Variants in BBS9 observed in about 807,000 individuals in gnomAD.
BBS9 encodes the protein Bardet-Biedl syndrome 9, also known as protein PTHB1.
Under a neutral mutation model 117.7 loss-of-function variants are expected in BBS9, and 89 were observed. The ratio of observed to expected loss-of-function variants is 0.76; its 90% confidence interval spans 0.64 to 0.90. The LOEUF is 0.90. Ranked by LOEUF, BBS9 falls within the 40% of genes least tolerant of loss-of-function variation. The probability of loss-of-function intolerance (pLI) is 0.00; values close to 1 mark genes in which losing one functional copy is unlikely to be tolerated. For synonymous variants in BBS9, 379 were observed against 370.9 expected (o/e 1.02, Z -0.25); for missense variants, 982 against 1,042.2 (o/e 0.94, Z 0.80).
At chr7:33,483,490 A>G (rs1045892353) in intron 19 of BBS9, among the ~76,000 whole-genome samples, 1 of 152,192 alleles carries the variant, frequency 6.6e-6, no homozygotes. Context: ...TCAACCTCCA[A>G]TTAGTCTTTT....
intron 5 of BBS9, among the ~76,000 whole-genome samples, chr7:33,193,594 T>C (rs542244637): frequency 6.6e-6 from 1 of 152,098 alleles, no homozygotes; most frequent in Non-Finnish European, 1.5e-5. Context: ...AGGAGTTTGT[T>C]TTCCTTCCTG....
At position 33,150,358 on chromosome 7, in the gene BBS9, T is replaced by C. The variant is rs1297655418; in HGVS notation, c.113-2343T>C. Among the ~76,000 whole-genome samples the C allele has an allele frequency of 2.6e-5, 4 of 152,192 alleles. No homozygotes were observed. In the East Asian group the frequency reaches 5.8e-4, roughly 22 times the overall value. ...TAAAGCTATCTTACATGTGGTTTGG[T>C]GTTCCTCCTTGTTCAGCTGGCTATG... On this transcript the variant is annotated intron_variant, in intron 2 of 22. Coordinates refer to ENST00000242067, the MANE Select transcript of BBS9 (RefSeq NM_198428.3).
At chr7:33,273,467 C>G (rs916013717) in intron 8 of BBS9, among the ~76,000 whole-genome samples, 1 of 152,154 alleles carries the variant, frequency 6.6e-6, no homozygotes, top group Non-Finnish European at 1.5e-5. Context: ...ATTCAAGATG[C>G]TTTCAAGAGA....
chr7:33,417,863 A>C (rs1832261526), intron 19 of BBS9, among the ~76,000 whole-genome samples: 1 of 152,220 alleles, frequency 6.6e-6, no homozygotes, highest in African/African-American at 2.4e-5. Flanking sequence ...AGATAGAAAC[A>C]ACAAAGGTTT....
chr7:33,378,940 G>T (rs1224014040), intron 17 of BBS9, among the ~76,000 whole-genome samples: 1 of 152,176 alleles, frequency 6.6e-6, no homozygotes, highest in Non-Finnish European at 1.5e-5. Context: ...TTTTTCCCCA[G>T]TGATAAATTC....
intron 19 of BBS9, among the ~76,000 whole-genome samples, chr7:33,404,664 A>C (rs1468368369): frequency 3.3e-5 from 5 of 149,954 alleles, no homozygotes; most frequent in Admixed American, 3.3e-4. Flanking sequence ...TTGGTGTATA[A>C]GAATGCTTGT....
intron 21 of BBS9, 78 bp downstream of exon 21, chr7:33,534,254 G>A: frequency 6.9e-7 from 1 of 1,458,968 alleles, no homozygotes. Context: ...GTTGTATTTG[G>A]GGTTTAAATT....
chr7:33,161,577 A>C (rs1011913118), intron 4 of BBS9, among the ~76,000 whole-genome samples: 12 of 152,212 alleles, frequency 7.9e-5, no homozygotes, highest in African/African-American at 2.9e-4. Context: ...GCCATAAAAA[A>C]CATACGTATA....
At chr7:33,141,009 TAGA>T (rs1791366084) in intron 1 of BBS9, among the ~76,000 whole-genome samples, 1 of 152,188 alleles carries the variant, frequency 6.6e-6, no homozygotes, top group Non-Finnish European at 1.5e-5. Flanking sequence ...TAGACTCACT[TAGA>T]AGTTGCAAAA....
intron 19 of BBS9, among the ~76,000 whole-genome samples, chr7:33,406,893 G>GAATCTGACA (rs1317796203): frequency 6.6e-6 from 1 of 152,136 alleles, no homozygotes; most frequent in African/African-American, 2.4e-5. Context: ...CAACTTTGGT[G>GAATCTGACA]AATCTGACAA....
chr7:33,511,863 G>A (rs1267472164), intron 20 of BBS9, among the ~76,000 whole-genome samples: 1 of 152,196 alleles, frequency 6.6e-6, no homozygotes, highest in East Asian at 1.9e-4. Flanking sequence ...CAGGTTTAAT[G>A]TAAGGGCCAT....
At chr7:33,429,157 A>G (rs771869479) in intron 19 of BBS9, among the ~76,000 whole-genome samples, 11 of 152,098 alleles carry the variant, frequency 7.2e-5, no homozygotes, top group South Asian at 2.1e-4. Context: ...TTTGGAACAC[A>G]TTGGCATATG....
At chr7:33,330,581 A>C (rs551698925) in intron 9 of BBS9, among the ~76,000 whole-genome samples, 2 of 152,278 alleles carry the variant, frequency 1.3e-5, no homozygotes, top group South Asian at 4.1e-4. Context: ...TTGTAGTTTC[A>C]TATTTTTAAA....
chr7:33,625,858 T>A (rs1056316346), intron 21 of BBS9, among the ~76,000 whole-genome samples: 1 of 152,192 alleles, frequency 6.6e-6, no homozygotes, highest in African/African-American at 2.4e-5. Flanking sequence ...TATATAATCA[T>A]CTTAGTTAAG....
chr7:33,220,819 A>G (rs1790104815), intron 5 of BBS9, among the ~76,000 whole-genome samples: 1 of 152,228 alleles, frequency 6.6e-6, no homozygotes, highest in African/African-American at 2.4e-5. Context: ...CAAAAATGAA[A>G]CACTCTGAGC....
chr7:33,358,986 AT>A (rs1308728809), intron 16 of BBS9, among the ~76,000 whole-genome samples: 1 of 151,864 alleles, frequency 6.6e-6, no homozygotes, highest in Non-Finnish European at 1.5e-5. Flanking sequence ...TTTTACTACA[AT>A]TATTCTATTC....
At chr7:33,576,929 T>C (rs1303731848) in intron 21 of BBS9, among the ~76,000 whole-genome samples, 5 of 152,128 alleles carry the variant, frequency 3.3e-5, no homozygotes, top group African/African-American at 4.8e-5. Context: ...ACTTACATGT[T>C]AGACCTAAAA....
intron 1 of BBS9, among the ~76,000 whole-genome samples, chr7:33,136,891 G>C (rs1005332880): frequency 6.6e-6 from 1 of 151,980 alleles, no homozygotes; most frequent in Admixed American, 6.6e-5. Flanking sequence ...TGAAGAATTG[G>C]GATAATTTTG....
At chr7:33,400,588 AGT>A (rs1828745094) in intron 19 of BBS9, among the ~76,000 whole-genome samples, 1 of 152,030 alleles carries the variant, frequency 6.6e-6, no homozygotes, top group Non-Finnish European at 1.5e-5. Context: ...TCTCTCTTTA[AGT>A]AGAGGAAAAC....
Sources: gnomAD v4.1 joint callset for allele counts (sites outside exome capture counted in the v4.1 genomes callset) on GRCh38, gnomAD v4.1.1 for gene constraint, MANE v1.5 for transcripts, NCBI Gene and HGNC (gene_info 2026-07-23, HGNC 2026-07-21) for gene names.